The following SACM1L variants were observed in gnomAD, a reference collection of about 807,000 sequenced individuals.
The protein encoded by SACM1L is SAC1 like phosphatidylinositide phosphatase.
Under a neutral mutation model 89.5 loss-of-function variants are expected in SACM1L, and 32 were observed. The ratio of observed to expected loss-of-function variants is 0.36; its 90% CI spans 0.27 to 0.48. The LOEUF (loss-of-function observed/expected upper bound fraction) is 0.48, where lower values mean the gene tolerates loss of function less well. Among genes scored for constraint, SACM1L ranks in the 20% least tolerant of loss-of-function variants. SACM1L has a pLI of 0.99. For missense variants in SACM1L, 543 were observed against 708.5 expected (o/e 0.77, Z 2.65); for synonymous variants, 213 against 232.8 (o/e 0.92, Z 0.77).
rs781266749 is a variant in SACM1L, at chr3:45,739,578, C to T, written c.1570-9C>T. 6.2e-7 allele frequency: 1 copy of T among 1,613,644 alleles called. No individual in the cohort carries two copies. The highest frequency in any genetic ancestry group is 8.5e-7 in the Non-Finnish European group (1 of 1,179,596). Reference sequence around the variant, plus strand: ...TTAAATGATGATCTCTTTCTATTGTCTTTTCCAGTTGCCTATTATCATGGT... The same window carrying T: ...TTAAATGATGATCTCTTTCTATTGTTTTTTCCAGTTGCCTATTATCATGGT... On this transcript the variant is annotated splice_polypyrimidine_tract_variant and intron_variant, in intron 18 of 19. Transcript: ENST00000389061.
Position 45,744,219 on chromosome 3 carries a change from G to C in SACM1L, c.*550G>C, listed in dbSNP as rs930844899. On this transcript the variant is annotated 3_prime_UTR_variant, in exon 20 of 20. Transcript: ENST00000389061. ...TGAGACAGTCTGTGACTTCATGATA[G>C]GAAAGAGGAGGATGAGGTCTGGGGT... The C allele has an allele frequency of 6.6e-6, 1 of 152,270 alleles. No homozygotes were observed. Among genetic ancestry groups the C allele is most frequent in the African/African-American group, 2.4e-5 (1 of 41,436 alleles). The allele number at this position is 152,270 out of a possible 1,614,324, so 9.4% of individuals were successfully genotyped here.
chr3:45,733,543 C>A (rs1435115384), intron 13 of SACM1L, among the ~76,000 whole-genome samples: 1 of 152,192 alleles, frequency 6.6e-6, no homozygotes, highest in Non-Finnish European at 1.5e-5. Flanking sequence ...ACCAATTCTG[C>A]ATGATCCATA....
intron 1 of SACM1L, among the ~76,000 whole-genome samples, chr3:45,700,961 C>G (rs1378068685): frequency 6.6e-6 from 1 of 152,176 alleles, no homozygotes; most frequent in Non-Finnish European, 1.5e-5. Context: ...CGTGAGCCAC[C>G]GCGCCCAGCC....
intron 2 of SACM1L, among the ~76,000 whole-genome samples, chr3:45,704,358 A>G (rs142095968): frequency 1.7e-4 from 26 of 152,300 alleles, no homozygotes; most frequent in African/African-American, 5.8e-4. Flanking sequence ...ATGGGGTGTA[A>G]GACAAGTATG....
At chr3:45,708,062 T>A (rs1464299415) in intron 4 of SACM1L, among the ~76,000 whole-genome samples, 1 of 152,088 alleles carries the variant, frequency 6.6e-6, no homozygotes, top group African/African-American at 2.4e-5. Context: ...ATAACTAATA[T>A]CTATAACTTA....
At chr3:45,712,880 G>A (rs1698560700) in intron 5 of SACM1L, among the ~76,000 whole-genome samples, 1 of 152,136 alleles carries the variant, frequency 6.6e-6, no homozygotes, top group African/African-American at 2.4e-5. Context: ...GATTTTGAAG[G>A]AGATTTAGTA....
At chr3:45,734,480 A>G (rs1271616907) in intron 13 of SACM1L, 2 of 152,106 alleles carry the variant, frequency 1.3e-5, no homozygotes, top group Non-Finnish European at 2.9e-5. Flanking sequence ...ATTTAGATAC[A>G]GGATATCGCT....
At chr3:45,727,735 A>C (rs1438383547) in intron 11 of SACM1L, among the ~76,000 whole-genome samples, 1 of 152,120 alleles carries the variant, frequency 6.6e-6, no homozygotes, top group African/African-American at 2.4e-5. Context: ...AGCTGGGACT[A>C]CAGGCGCCCA....
intron 1 of SACM1L, among the ~76,000 whole-genome samples, chr3:45,699,250 T>C (rs1698203205): frequency 1.3e-5 from 2 of 151,700 alleles, no homozygotes; most frequent in African/African-American, 4.8e-5. Flanking sequence ...ACCTGCACAA[T>C]GTGCACATGT....
intron 7 of SACM1L, among the ~76,000 whole-genome samples, chr3:45,717,374 C>T (rs965121272): frequency 2.0e-5 from 3 of 152,056 alleles, no homozygotes; most frequent in Admixed American, 6.5e-5. Flanking sequence ...TTCATTTTTA[C>T]AAAAAAGCAA....
In SACM1L at chr3:45,723,455, T is replaced by C. The variant is rs1481823999; in HGVS notation, c.853-20T>C. 2.4e-6 allele frequency: 3 copies of C among 1,259,058 alleles called. No individual in the cohort carries two copies. The highest frequency in any genetic ancestry group is 3.2e-6 in the Non-Finnish European group (3 of 942,622). The allele number at this position is 1,259,058 out of a possible 1,614,324, so 78.0% of individuals were successfully genotyped here. ...TTACATAATGTACTCCAGTAAAATA[T>C]GTAACTTTTTCCTCTCTAGATGGAC... On this transcript the variant is annotated intron_variant, in intron 10 of 19. Transcript: ENST00000389061.
chr3:45,701,057 G>A (rs1698255610), intron 1 of SACM1L, among the ~76,000 whole-genome samples: 1 of 152,180 alleles, frequency 6.6e-6, no homozygotes, highest in African/African-American at 2.4e-5. Flanking sequence ...ATGCCTTGGT[G>A]TTTGGGTCTC....
rs146835781 is a variant in SACM1L, at chr3:45,696,224, C to G, written c.32+6727C>G. Among the ~76,000 whole-genome samples the G allele has an allele frequency of 4.1e-4, 62 of 152,246 alleles. 1 individual carries two copies. Among genetic ancestry groups the G allele is most frequent in the African/African-American group, 1.4e-3 (60 of 41,546 alleles). On this transcript the variant is annotated intron_variant, in intron 1 of 19. Coordinates refer to ENST00000389061, the MANE Select transcript of SACM1L (RefSeq NM_014016.5). ...GCATTTGCCAGGATGGTCTCCATCT[C>G]CTGACCTCGTGATCCGCCTGCCTCG...
Position 45,732,109 on chromosome 3 carries a change from G to A in SACM1L, c.1058G>A (p.Ser353Asn). The change falls in exon 13 of 20, where the codon AGT becomes AAT. Residue 353 changes from serine to asparagine, a missense_variant. Physicochemically the swap from Ser to Asn is conservative, Grantham distance 46. Around this residue, in one of 2 missense-constraint regions of SACM1L, gnomAD observed 370 missense variants for 527.6 expected, o/e 0.70. Coordinates refer to ENST00000389061, the MANE Select transcript of SACM1L (RefSeq NM_014016.5). ...AAAAATATGAGATGGGATCGACTAA[G>A]TATTTTATTGGATCAGGTAGCAGAA... The part of the protein sequence containing the change: ...ECKNMRWDRL[S>N]ILLDQVAEMQ... 6.2e-7 allele frequency: 1 copy of A among 1,606,310 alleles called. No individual in the cohort carries two copies. Among genetic ancestry groups the A allele is most frequent in the Non-Finnish European group, 8.5e-7 (1 of 1,177,364 alleles).
rs1381250392 is a variant in SACM1L at position 45,709,750 on chromosome 3, C to T, written c.483+103C>T. On this transcript the variant is annotated intron_variant, in intron 5 of 19. Transcript: ENST00000389061. ...ATTGATTTTTCTCAGTCCTGGCTAT[C>T]TTAGAATCATGTATGAGGCTTTGAA... The T allele has an allele frequency of 9.6e-6, 10 of 1,045,420 alleles. No individual in the cohort carries two copies. In the East Asian group the frequency reaches 2.3e-4, roughly 25 times the overall value. 64.8% of individuals were successfully genotyped at this position (1,045,420 alleles called of 1,614,324 possible).
intron 11 of SACM1L, among the ~76,000 whole-genome samples, chr3:45,724,510 A>G (rs1441804769): frequency 6.6e-6 from 1 of 151,986 alleles, no homozygotes; most frequent in Non-Finnish European, 1.5e-5. Context: ...TTTTTGTTTG[A>G]GTTGTAGTCA....
intron 1 of SACM1L, among the ~76,000 whole-genome samples, chr3:45,697,704 A>G (rs1284813597): frequency 6.6e-6 from 1 of 152,208 alleles, no homozygotes; most frequent in Non-Finnish European, 1.5e-5. Flanking sequence ...CTTCCATAGT[A>G]TGTGTCTTAT....
At chr3:45,731,991 TTATTAA>T in intron 12 of SACM1L, 56 bp from the exon 13 acceptor site, 1 of 952,240 alleles carries the variant, frequency 1.1e-6, no homozygotes, top group Non-Finnish European at 1.6e-6. Flanking sequence ...TATGAAGGTA[TTATTAA>T]TAGAAGGAAA....
At chr3:45,739,411 TC>T (rs1311184465) in intron 18 of SACM1L, among the ~76,000 whole-genome samples, 175 bp from the exon 19 acceptor site, 1 of 152,142 alleles carries the variant, frequency 6.6e-6, no homozygotes, top group African/African-American at 2.4e-5. Flanking sequence ...CCATCTAAAG[TC>T]TAGGGCAGTT....
Sources: allele counts gnomAD v4.1 joint callset (sites outside exome capture counted in the v4.1 genomes callset), GRCh38; gene constraint gnomAD v4.1.1; regional missense constraint gnomAD v4.1.1; transcripts MANE v1.5; gene names NCBI Gene and HGNC (gene_info 2026-07-23, HGNC 2026-07-21).